GRID1: variants seen among roughly 807,000 people sequenced by gnomAD.
GRID1 encodes the protein glutamate receptor ionotropic, delta-1.
In GRID1, 28 loss-of-function variants were observed where a neutral mutation model predicts 98.0. The ratio of observed to expected loss-of-function variants is 0.29; its 90% CI spans 0.21 to 0.39. GRID1 has a LOEUF of 0.39. GRID1 is among the 10% of genes least tolerant of loss of function. The pLI is 1.00. For missense variants in GRID1, 1,111 were observed against 1,340.5 expected (o/e 0.83, Z 2.67); for synonymous variants, 553 against 538.5 (o/e 1.03, Z -0.37).
At chr10:85,999,866 A>G (rs956466003) in intron 4 of GRID1, among the ~76,000 whole-genome samples, 3 of 152,238 alleles carry the variant, frequency 2.0e-5, no homozygotes, top group African/African-American at 4.8e-5. Flanking sequence ...GTCTAACATT[A>G]TACTTAATAG....
intron 4 of GRID1, among the ~76,000 whole-genome samples, chr10:86,094,889 G>C (rs1262649327): frequency 2.0e-5 from 3 of 150,232 alleles, no homozygotes; most frequent in Non-Finnish European, 4.4e-5. Context: ...CATAGCCAAA[G>C]CAAGACTAAG....
At chr10:86,271,864 T>C (rs9919408) in intron 2 of GRID1, among the ~76,000 whole-genome samples, 11,007 of 152,202 alleles carry the variant, frequency 0.072, 1,122 homozygotes, top group African/African-American at 0.23. Context: ...AAAAAATATT[T>C]ATAGAAATAA....
chr10:85,980,741 T>C (rs1203605674), intron 4 of GRID1, among the ~76,000 whole-genome samples: 1 of 152,188 alleles, frequency 6.6e-6, no homozygotes, highest in African/African-American at 2.4e-5. Context: ...GTCTCCTACA[T>C]GCATTGTAAT....
intron 3 of GRID1, among the ~76,000 whole-genome samples, chr10:86,176,817 G>T (rs140187471): frequency 6.6e-6 from 1 of 152,250 alleles, no homozygotes; most frequent in Non-Finnish European, 1.5e-5. Flanking sequence ...GACTGTAATG[G>T]TGCAGATGGA....
At position 85,873,455 on chromosome 10, in the gene GRID1, T is replaced by C. The variant is rs928932735; in HGVS notation, c.781-4275A>G. On this transcript the variant is annotated intron_variant, in intron 5 of 15. Transcript: ENST00000327946. ...TCAAAATAAGCCTTTTGTATTTTAT[T>C]ACTTTTTAAGTTTATATTGTGAAAT... Among the ~76,000 whole-genome samples the C allele has an allele frequency of 2.0e-5, 3 of 152,260 alleles. No homozygotes were observed. The South Asian group carries it at 6.2e-4, about 32-fold the overall frequency.
chr10:86,194,968 G>A (rs1304815068), intron 3 of GRID1, among the ~76,000 whole-genome samples: 1 of 152,090 alleles, frequency 6.6e-6, no homozygotes, highest in East Asian at 1.9e-4. Flanking sequence ...ACCTGGGACT[G>A]CAAAGGCCTT....
intron 4 of GRID1, among the ~76,000 whole-genome samples, chr10:86,031,581 A>T (rs894058959): frequency 2.6e-5 from 4 of 152,184 alleles, no homozygotes; most frequent in Admixed American, 1.3e-4. Flanking sequence ...ACAAAAAAGC[A>T]AAATGCATCC....
intron 4 of GRID1, among the ~76,000 whole-genome samples, chr10:86,109,992 AGG>A (rs1844454320): frequency 1.3e-5 from 1 of 75,038 alleles, no homozygotes; most frequent in Non-Finnish European, 2.7e-5. Context: ...TTTTTTTTTG[AGG>A]GGGAGTCTCA....
Position 85,749,969 on chromosome 10 carries a change from C to T in GRID1, c.1234-20355G>A, listed in dbSNP as rs1341534694. 5.7e-4 allele frequency among the ~76,000 whole-genome samples: 87 copies of T among 152,106 alleles called. 2 individuals are homozygous for T. The highest frequency in any genetic ancestry group is 1.2e-4 in the Non-Finnish European group (8 of 68,008). ...CTTATTTTATTATTTAGTTTCTAAA[C>T]TTTTATAGATTTCTTGTCTATCTCC... On this transcript the variant is annotated intron_variant, in intron 8 of 15. Coordinates refer to ENST00000327946, the MANE Select transcript of GRID1 (RefSeq NM_017551.3).
chr10:85,730,875 A>G (rs951845986), intron 8 of GRID1, among the ~76,000 whole-genome samples: 18 of 152,178 alleles, frequency 1.2e-4, no homozygotes, highest in Non-Finnish European at 2.5e-4. Flanking sequence ...TGCTGCTGCT[A>G]ATCCATGGAC....
At chr10:86,112,379 G>C (rs1449087806) in intron 4 of GRID1, among the ~76,000 whole-genome samples, 1 of 152,182 alleles carries the variant, frequency 6.6e-6, no homozygotes, top group African/African-American at 2.4e-5. Flanking sequence ...AGCTGTGAAT[G>C]TCACGTCAAG....
chr10:85,661,804 G>A (rs1182310377), intron 12 of GRID1, among the ~76,000 whole-genome samples: 1 of 152,214 alleles, frequency 6.6e-6, no homozygotes, highest in Non-Finnish European at 1.5e-5. Flanking sequence ...CAAAGCCAAT[G>A]TCTTCCTCCG....
intron 8 of GRID1, among the ~76,000 whole-genome samples, chr10:85,834,280 A>C (rs1842893991): frequency 2.0e-5 from 3 of 152,222 alleles, no homozygotes; most frequent in African/African-American, 7.2e-5. Flanking sequence ...TGAATTGAGA[A>C]TATGAAACTA....
chr10:85,934,967 T>C (rs900445998), intron 4 of GRID1, among the ~76,000 whole-genome samples: 1 of 152,218 alleles, frequency 6.6e-6, no homozygotes, highest in Non-Finnish European at 1.5e-5. Flanking sequence ...AGATAAATTC[T>C]AAAGAAAGTT....
chr10:86,092,206 T>C (rs1196988284), intron 4 of GRID1, among the ~76,000 whole-genome samples: 6 of 152,024 alleles, frequency 3.9e-5, no homozygotes, highest in Admixed American at 3.9e-4. Context: ...CAGAGAAAGG[T>C]GAAGCCCAAT....
chr10:85,631,789 T>C (rs980166579), intron 13 of GRID1, among the ~76,000 whole-genome samples: 1 of 152,130 alleles, frequency 6.6e-6, no homozygotes. Context: ...AAGAGCAAAT[T>C]GGTGTGCCTG....
chr10:86,212,646 G>C (rs1589413013), intron 2 of GRID1, among the ~76,000 whole-genome samples: 1 of 152,072 alleles, frequency 6.6e-6, no homozygotes, highest in Admixed American at 6.6e-5. Context: ...TAACCTCCAC[G>C]AGCACCCACC....
intron 8 of GRID1, among the ~76,000 whole-genome samples, chr10:85,821,631 A>C (rs1842773909): frequency 6.6e-6 from 1 of 151,984 alleles, no homozygotes; most frequent in Non-Finnish European, 1.5e-5. Context: ...GGGTGATCCA[A>C]ATAATTGTTT....
At chr10:86,191,276 G>T (rs1845799368) in intron 3 of GRID1, among the ~76,000 whole-genome samples, 2 of 152,156 alleles carry the variant, frequency 1.3e-5, no homozygotes, top group Non-Finnish European at 2.9e-5. Context: ...GGGGAACAAG[G>T]AGAAGAGAGG....
Sources: allele counts gnomAD v4.1 joint callset (sites outside exome capture counted in the v4.1 genomes callset), GRCh38; gene constraint gnomAD v4.1.1; transcripts MANE v1.5; gene names NCBI Gene and HGNC (gene_info 2026-07-23, HGNC 2026-07-21).